Variants in AHRR observed in about 807,000 individuals in gnomAD.
AHRR encodes the protein aryl hydrocarbon receptor repressor.
A neutral mutation model predicts 44.0 loss-of-function variants in AHRR; 28 were observed. That is an observed-to-expected ratio of 0.64 (90% CI 0.47 to 0.87). AHRR has a LOEUF of 0.87. AHRR is among the 40% of genes least tolerant of loss of function. The pLI is 0.00. For synonymous variants in AHRR, 434 were observed against 407.0 expected, an observed-to-expected ratio of 1.07 and a Z score of -0.80; for missense variants, 990 against 953.9, an observed-to-expected ratio of 1.04 and a Z score of -0.50.
chr5:404,485 A>G lies in AHRR; in HGVS notation c.352-8859A>G. Reference sequence around the variant, plus strand: ...CACGGTGTGTTCACCAAAACATCTAACGCAACTATTTTCAGACTTTACGGT... The same window carrying G: ...CACGGTGTGTTCACCAAAACATCTAGCGCAACTATTTTCAGACTTTACGGT... On this transcript the variant is annotated intron_variant, in intron 4 of 10. Coordinates refer to ENST00000684583, the MANE Select transcript of AHRR (RefSeq NM_001377236.1). This position sits in a 1 kb window ranked among gnomAD's most constrained non-coding sequence, Gnocchi z 4.1. The G allele has an allele frequency of 2.1e-6, 1 of 472,352 alleles. No homozygotes were observed. The highest frequency in any genetic ancestry group is 1.7e-5 in the South Asian group (1 of 59,058). 29.3% of individuals were successfully genotyped at this position (472,352 alleles called of 1,614,324 possible). A position where few individuals can be genotyped will look rare whatever the true frequency, so the allele number is the denominator to read the frequency against.
chr5:325,452 C>T (rs544027728), intron 1 of AHRR, among the ~76,000 whole-genome samples: 2 of 152,306 alleles, frequency 1.3e-5, no homozygotes, highest in South Asian at 2.1e-4. Context: ...CTGTTTGAGT[C>T]GAAAGGCCTT....
intron 2 of AHRR, among the ~76,000 whole-genome samples, chr5:345,342 G>A (rs1204732697): frequency 2.1e-5 from 2 of 95,314 alleles, no homozygotes; most frequent in Admixed American, 9.7e-5. Context: ...GGGGATGTGT[G>A]TGTGTGTGTG....
At chr5:385,297 C>T (rs551570461) in intron 4 of AHRR, among the ~76,000 whole-genome samples, 4 of 152,136 alleles carry the variant, frequency 2.6e-5, no homozygotes, top group African/African-American at 9.6e-5. Flanking sequence ...GCCTCAGCCT[C>T]CCAAATAATT....
chr5:369,534 C>T (rs770075681), intron 3 of AHRR, among the ~76,000 whole-genome samples: 2 of 152,246 alleles, frequency 1.3e-5, no homozygotes, highest in South Asian at 2.1e-4. Flanking sequence ...TGCACGAGCC[C>T]GGGCTCCCTC....
chr5:416,794 G>A (rs1042855204), intron 5 of AHRR, among the ~76,000 whole-genome samples: 25 of 152,218 alleles, frequency 1.6e-4, no homozygotes, highest in Admixed American at 1.3e-3. Flanking sequence ...GGACATGGGC[G>A]GACATGACGG....
chr5:330,574 G>A (rs13160307), intron 1 of AHRR, among the ~76,000 whole-genome samples: 57,834 of 151,932 alleles, frequency 0.38, 12,604 homozygotes, highest in South Asian at 0.51. Context: ...GCATTTTGCC[G>A]TGTTGGGCAG....
intron 8 of AHRR, 149 bp downstream of exon 8, chr5:428,155 G>A (rs1736555926): frequency 1.6e-5 from 15 of 932,942 alleles, no homozygotes; most frequent in Admixed American, 2.7e-5. Context: ...ACACAACATA[G>A]GCAGCAGCGA....
intron 8 of AHRR, among the ~76,000 whole-genome samples, chr5:431,152 G>T (rs951002481): frequency 5.3e-5 from 8 of 152,204 alleles, no homozygotes; most frequent in African/African-American, 1.9e-4. Context: ...GCAGGGCAGG[G>T]CAGGCCTGGC....
intron 3 of AHRR, among the ~76,000 whole-genome samples, chr5:363,384 C>G (rs534744976): frequency 6.6e-6 from 1 of 152,292 alleles, no homozygotes; most frequent in African/African-American, 2.4e-5. Context: ...GGAGGTGTAT[C>G]CTCTCCAGCT....
chr5:367,576 G>A (rs1171864647), intron 3 of AHRR, among the ~76,000 whole-genome samples: 1 of 152,190 alleles, frequency 6.6e-6, no homozygotes, highest in South Asian at 2.1e-4. Context: ...TGCCACGTGG[G>A]CCTTGCTGGG....
Position 383,986 on chromosome 5 carries a change from A to AT in AHRR, c.351+7278dup, listed in dbSNP as rs573686498. 1.8e-4 allele frequency among the ~76,000 whole-genome samples: 28 copies of AT among 151,456 alleles called. No individual in the cohort carries two copies. In the East Asian group the frequency reaches 2.7e-3, roughly 15 times the overall value. ...TTGGCAGTATGTAAGTTGGGCCTTG[A>AT]TTTTTTTTCAATCAAGTCTGACAAT... is the stretch of plus-strand genomic sequence containing the variant. On this transcript the variant is annotated intron_variant, in intron 4 of 10. Transcript: ENST00000684583. This position sits in a 1 kb window ranked among gnomAD's most constrained non-coding sequence, Gnocchi z 4.0.
At chr5:353,092 G>T (rs767832960) in intron 2 of AHRR, among the ~76,000 whole-genome samples, 3 of 152,158 alleles carry the variant, frequency 2.0e-5, no homozygotes, top group East Asian at 1.9e-4. Context: ...GAGCAGGCCT[G>T]CTCTGGCTTA....
In AHRR at chr5:404,161, G is replaced by T; in HGVS notation, c.352-9183G>T. ...TCTCAGCCTCAGCCGTTCCTGGTGG[G>T]TCTGCATTCCTGTCACGAGCTGGTC... On this transcript the variant is annotated intron_variant, in intron 4 of 10. Coordinates refer to ENST00000684583, the MANE Select transcript of AHRR (RefSeq NM_001377236.1). This position sits in a 1 kb window ranked among gnomAD's most constrained non-coding sequence, Gnocchi z 4.1. 1 of 535,350 alleles carries T rather than the reference G, an allele frequency of 1.9e-6. No individual in the cohort carries two copies. The highest frequency in any genetic ancestry group is 1.7e-5 in the South Asian group (1 of 60,302). 33.2% of individuals were successfully genotyped at this position (535,350 alleles called of 1,614,324 possible). A position where few individuals can be genotyped will look rare whatever the true frequency, so the allele number is the denominator to read the frequency against.
At chr5:399,966 C>T (rs1005943449) in intron 4 of AHRR, among the ~76,000 whole-genome samples, 7 of 152,256 alleles carry the variant, frequency 4.6e-5, no homozygotes, top group African/African-American at 9.6e-5. Flanking sequence ...AGCGCTGCCT[C>T]GCACGCACGC....
chr5:415,726 AG>A (rs1460629241), intron 5 of AHRR, among the ~76,000 whole-genome samples: 1 of 152,136 alleles, frequency 6.6e-6, no homozygotes, highest in Non-Finnish European at 1.5e-5. Flanking sequence ...TGGGAGGCCT[AG>A]GGGCTGTGCA....
intron 5 of AHRR, among the ~76,000 whole-genome samples, chr5:418,291 CCAT>C: frequency 6.6e-6 from 1 of 152,330 alleles, no homozygotes; most frequent in East Asian, 1.9e-4. Flanking sequence ...ATTTCTCCCA[CCAT>C]GTCTCTTGAT....
chr5:365,260 A>T (rs1743317770), intron 3 of AHRR, among the ~76,000 whole-genome samples: 1 of 152,204 alleles, frequency 6.6e-6, no homozygotes, highest in African/African-American at 2.4e-5. Flanking sequence ...CCAATAAAGC[A>T]AGTCTCAGTA....
chr5:410,158 T>G (rs776506973), intron 4 of AHRR, among the ~76,000 whole-genome samples: 2 of 152,222 alleles, frequency 1.3e-5, no homozygotes, highest in Non-Finnish European at 2.9e-5. Context: ...TTTAACAAGA[T>G]TTCTTTAGCA....
intron 4 of AHRR, among the ~76,000 whole-genome samples, chr5:386,107 T>A (rs990183990): frequency 6.6e-6 from 1 of 152,244 alleles, no homozygotes; most frequent in Non-Finnish European, 1.5e-5. Flanking sequence ...AGCTTTTTTT[T>A]AAATTTCAAG....
Sources: allele counts gnomAD v4.1 joint callset (sites outside exome capture counted in the v4.1 genomes callset), GRCh38; gene constraint gnomAD v4.1.1; non-coding constraint Gnocchi (gnomAD v3.1); transcripts MANE v1.5; gene names NCBI Gene and HGNC (gene_info 2026-07-23, HGNC 2026-07-21).